Variants in NLN observed in about 807,000 individuals in gnomAD.
NLN encodes the protein neurolysin, mitochondrial.
A neutral mutation model predicts 79.9 loss-of-function variants in NLN; 64 were observed. That is an observed-to-expected ratio of 0.80 (90% CI 0.65 to 0.99). NLN has a LOEUF of 0.99. NLN is among the 50% of genes least tolerant of loss of function. The probability of loss-of-function intolerance (pLI) is 0.00; values close to 1 mark genes in which losing one functional copy is unlikely to be tolerated. For synonymous variants in NLN, 267 were observed against 296.6 expected (o/e 0.90, Z 1.02); for missense variants, 835 against 858.7 (o/e 0.97, Z 0.34).
At chr5:65,742,166 A>G (rs1758881408) in intron 1 of NLN, among the ~76,000 whole-genome samples, 1 of 152,192 alleles carries the variant, frequency 6.6e-6, no homozygotes, top group Non-Finnish European at 1.5e-5. Context: ...TGAAATTTGG[A>G]AACAAAAACT....
chr5:65,806,445 C>T (rs1045619516), intron 9 of NLN, among the ~76,000 whole-genome samples: 2 of 152,114 alleles, frequency 1.3e-5, no homozygotes. Context: ...TGATTTCAAC[C>T]CTCATAGATG....
chr5:65,731,529 G>T (rs1393264723), intron 1 of NLN, among the ~76,000 whole-genome samples: 1 of 152,090 alleles, frequency 6.6e-6, no homozygotes, highest in Non-Finnish European at 1.5e-5. Flanking sequence ...CTTTGTAAGA[G>T]CCCCTCATAG....
intron 9 of NLN, among the ~76,000 whole-genome samples, chr5:65,799,016 G>C (rs901923381): frequency 2.0e-5 from 3 of 152,130 alleles, no homozygotes; most frequent in Admixed American, 2.0e-4. Flanking sequence ...TAAGTAGCTG[G>C]GACCACAGGC....
At position 65,792,548 on chromosome 5, in the gene NLN, G is replaced by T; in HGVS notation, c.1420G>T (p.Val474Leu). 6.2e-7 allele frequency: 1 copy of T among 1,613,906 alleles called. No individual in the cohort carries two copies. Reference protein sequence around the residue: ...SRMMAVAALVVNFSQPVAGRP... With the variant: ...SRMMAVAALVLNFSQPVAGRP... ...GATGATGGCAGTGGCTGCCCTCGTGGTGAACTTCTCACAGCCAGTGGCAGG... is the reference window on the plus strand; with the variant it reads ...GATGATGGCAGTGGCTGCCCTCGTGTTGAACTTCTCACAGCCAGTGGCAGG... Residue 474 changes from valine (V) to leucine (L), a missense_variant, in exon 9 of 13, where the codon GTG becomes TTG. Transcript: ENST00000380985.
intron 1 of NLN, among the ~76,000 whole-genome samples, chr5:65,723,737 C>A (rs1758380367): frequency 6.8e-6 from 1 of 146,722 alleles, no homozygotes; most frequent in Non-Finnish European, 1.5e-5. Context: ...ATGGCATGAA[C>A]CCGGGAGGCG....
At chr5:65,742,350 A>G (rs1043779249) in intron 1 of NLN, among the ~76,000 whole-genome samples, 6 of 152,206 alleles carry the variant, frequency 3.9e-5, no homozygotes, top group African/African-American at 1.4e-4. Context: ...TTTATGCTAC[A>G]TAAGACCAAG....
chr5:65,742,187 C>T (rs1452937982), intron 1 of NLN, among the ~76,000 whole-genome samples: 1 of 151,990 alleles, frequency 6.6e-6, no homozygotes, highest in Non-Finnish European at 1.5e-5. Context: ...TATTACATTA[C>T]AAAATCTAAA....
chr5:65,758,979 T>C (rs1759282714), intron 2 of NLN, among the ~76,000 whole-genome samples, 153 bp downstream of exon 2: 1 of 152,234 alleles, frequency 6.6e-6, no homozygotes, highest in Non-Finnish European at 1.5e-5. Flanking sequence ...AAATTGTTTA[T>C]GTTGACAAAG....
chr5:65,817,789 C>T (rs1579974327), intron 12 of NLN, among the ~76,000 whole-genome samples: 1 of 152,118 alleles, frequency 6.6e-6, no homozygotes, highest in Non-Finnish European at 1.5e-5. Flanking sequence ...CATGAAGAGT[C>T]TTGGTTAAAC....
chr5:65,769,560 T>C (rs1759525009), intron 3 of NLN, among the ~76,000 whole-genome samples: 1 of 152,292 alleles, frequency 6.6e-6, no homozygotes, highest in African/African-American at 2.4e-5. Context: ...TTTTAAAACC[T>C]TCAAAACAAA....
At position 65,809,287 on chromosome 5, in the gene NLN, T is replaced by A. The variant is rs1304801956; in HGVS notation, c.1528-228T>A. ...TGATTGTTCCAACTTTGTCTACAAT[T>A]CAAAGGAATGAAATTACTACTGTAA... is the stretch of plus-strand genomic sequence containing the variant. On this transcript the variant is annotated intron_variant, in intron 9 of 12. Transcript: ENST00000380985. 1.0e-5 allele frequency: 4 copies of A among 385,672 alleles called. No individual in the cohort carries two copies. The East Asian group carries it at 1.6e-4, about 15-fold the overall frequency. 23.9% of individuals were successfully genotyped at this position (385,672 alleles called of 1,614,324 possible).
At chr5:65,728,497 G>GCA (rs1281054488) in intron 1 of NLN, among the ~76,000 whole-genome samples, 5 of 152,274 alleles carry the variant, frequency 3.3e-5, no homozygotes, top group African/African-American at 1.2e-4. Flanking sequence ...CAAAGGGCAT[G>GCA]CATACCTTTC....
At chr5:65,781,232 T>C (rs1430287536) in intron 5 of NLN, 29 bp from the exon 6 acceptor site, 1 of 1,550,510 alleles carries the variant, frequency 6.4e-7, no homozygotes, top group African/African-American at 1.4e-5. Flanking sequence ...AGTGGAAAAT[T>C]TGATATATGA....
chr5:65,771,370 T>A (rs1759562114), intron 3 of NLN, among the ~76,000 whole-genome samples: 1 of 152,148 alleles, frequency 6.6e-6, no homozygotes, highest in South Asian at 2.1e-4. Context: ...TTCCAGCCAT[T>A]TTGGCGAGAA....
chr5:65,767,150 CTGTT>C (rs1411077052), intron 3 of NLN, among the ~76,000 whole-genome samples: 5 of 152,246 alleles, frequency 3.3e-5, no homozygotes, highest in Middle Eastern at 3.2e-3. Context: ...AGTGGGGACT[CTGTT>C]TGGGGGCTCC....
In NLN at chr5:65,825,245, C is replaced by G. The variant is rs1579979603; in HGVS notation, c.*2330C>G. 6.6e-6 allele frequency: 1 copy of G among 151,362 alleles called. No homozygotes were observed. The highest frequency in any genetic ancestry group is 1.9e-4 in the East Asian group (1 of 5,162). 9.4% of individuals were successfully genotyped at this position (151,362 alleles called of 1,614,324 possible). On this transcript the variant is annotated 3_prime_UTR_variant, in exon 13 of 13. Coordinates refer to ENST00000380985, the MANE Select transcript of NLN (RefSeq NM_020726.5). Reference sequence around the variant, plus strand: ...GTCTAGTTGTTCTTTTTTTCCAGATCAGAGCAGAGAATATCACTGACATGC... The same window carrying G: ...GTCTAGTTGTTCTTTTTTTCCAGATGAGAGCAGAGAATATCACTGACATGC...
intron 1 of NLN, among the ~76,000 whole-genome samples, chr5:65,734,355 A>C (rs1212676102): frequency 7.3e-6 from 1 of 137,660 alleles, no homozygotes; most frequent in East Asian, 2.0e-4. Context: ...GCTGACTGTG[A>C]GTGGAAAAAC....
At chr5:65,723,648 A>C (rs1758375508) in intron 1 of NLN, among the ~76,000 whole-genome samples, 1 of 151,442 alleles carries the variant, frequency 6.6e-6, no homozygotes. Flanking sequence ...CCCCGTCTCT[A>C]CTAAAAAATA....
At chr5:65,754,097 A>G (rs1174650314) in intron 1 of NLN, among the ~76,000 whole-genome samples, 1 of 152,114 alleles carries the variant, frequency 6.6e-6, no homozygotes, top group Non-Finnish European at 1.5e-5. Flanking sequence ...GTAGGATCCT[A>G]TATGAGGCAA....
Sources: allele counts gnomAD v4.1 joint callset (sites outside exome capture counted in the v4.1 genomes callset), GRCh38; gene constraint gnomAD v4.1.1; transcripts MANE v1.5; gene names NCBI Gene and HGNC (gene_info 2026-07-23, HGNC 2026-07-21).